Variants in KCNG2 observed in about 807,000 individuals in gnomAD.
KCNG2 encodes potassium voltage-gated channel modifier subfamily G member 2.
A neutral mutation model predicts 12.3 loss-of-function variants in KCNG2; 7 were observed. The observed-to-expected ratio is 0.57, with a 90% confidence interval of 0.32 to 1.07. The LOEUF (loss-of-function observed/expected upper bound fraction) is 1.07, where lower values mean the gene tolerates loss of function less well. KCNG2 is among the 50% of genes least tolerant of loss of function. KCNG2 has a pLI of 0.04. For synonymous variants in KCNG2, 414 were observed against 351.4 expected, an observed-to-expected ratio of 1.18 and a Z score of -1.99; for missense variants, 703 against 726.0, an observed-to-expected ratio of 0.97 and a Z score of 0.36.
intron 1 of KCNG2, among the ~76,000 whole-genome samples, chr18:79,826,643 G>A (rs1978286320): frequency 1.3e-5 from 2 of 148,510 alleles, no homozygotes; most frequent in African/African-American, 5.0e-5. Context: ...GATTACATTC[G>A]GCGCGTTACG....
At chr18:79,878,486 G>A (rs566454349) in intron 3 of KCNG2, among the ~76,000 whole-genome samples, 14 of 106,016 alleles carry the variant, frequency 1.3e-4, no homozygotes, top group African/African-American at 4.5e-4. Context: ...TGCGGAGGGC[G>A]CCTGATGCCA....
intron 3 of KCNG2, among the ~76,000 whole-genome samples, chr18:79,885,489 G>A (rs9965285): frequency 6.6e-6 from 1 of 152,318 alleles, no homozygotes; most frequent in African/African-American, 2.4e-5. Flanking sequence ...TGGCTCTGTG[G>A]CTGCAGCTGC....
Position 79,805,539 on chromosome 18 carries a change from C to CT in KCNG2, c.-115+7535dup, listed in dbSNP as rs926085260. On this transcript the variant is annotated intron_variant, in intron 1 of 3. Transcript: ENST00000316249. ...AAGGCTGAATGTTTTTCTCCATTGC[C>CT]TTTTTTTTTTCTTCTATCGTCTGTT... Among the ~76,000 whole-genome samples the CT allele has an allele frequency of 2.9e-4, 43 of 150,068 alleles. No individual in the cohort carries two copies. The East Asian group carries it at 3.3e-3, about 12-fold the overall frequency.
chr18:79,803,555 C>T lies in KCNG2; in HGVS notation c.-115+5541C>T, dbSNP rs913442714. On this transcript the variant is annotated intron_variant, in intron 1 of 3. Transcript: ENST00000316249. The surrounding 1 kb of genome is among the most constrained non-coding windows in gnomAD (Gnocchi z 4.5). The stretch of plus-strand genomic sequence containing the variant: ...GTGGGTGTGCAGTGCTGGGGACCGA[C>T]GAGGGGGCCTGTGATTCTGGGGGCT... Among the ~76,000 whole-genome samples the T allele has an allele frequency of 1.3e-5, 2 of 152,172 alleles. No homozygotes were observed. Among genetic ancestry groups the T allele is most frequent in the African/African-American group, 2.4e-5 (1 of 41,432 alleles).
chr18:79,857,286 G>A (rs1400151529), intron 2 of KCNG2, among the ~76,000 whole-genome samples: 1 of 149,014 alleles, frequency 6.7e-6, no homozygotes, highest in Non-Finnish European at 1.5e-5. Context: ...GGCGCTGAAG[G>A]TCACAGCACA....
intron 3 of KCNG2, among the ~76,000 whole-genome samples, chr18:79,879,570 A>C (rs1980213290): frequency 6.6e-6 from 1 of 152,248 alleles, no homozygotes; most frequent in African/African-American, 2.4e-5. Context: ...GAAGTAGTAC[A>C]CATTTAGGAA....
chr18:79,880,487 G>A (rs533143042), intron 3 of KCNG2, among the ~76,000 whole-genome samples: 1 of 152,142 alleles, frequency 6.6e-6, no homozygotes, highest in South Asian at 2.1e-4. Context: ...GAAAATTCCA[G>A]GCCCAGGTAG....
intron 1 of KCNG2, among the ~76,000 whole-genome samples, chr18:79,842,033 G>A (rs556613159): frequency 6.6e-6 from 1 of 152,180 alleles, no homozygotes; most frequent in Non-Finnish European, 1.5e-5. Context: ...TGCCAGGCTG[G>A]CCCCTGCAGA....
intron 3 of KCNG2, among the ~76,000 whole-genome samples, chr18:79,888,779 A>C (rs545176458): frequency 2.6e-5 from 4 of 152,024 alleles, no homozygotes; most frequent in African/African-American, 9.6e-5. Flanking sequence ...GGTTCAAGCA[A>C]TTCTCGTGCC....
chr18:79,863,502 C>T (rs1207017574), intron 2 of KCNG2, among the ~76,000 whole-genome samples, 126 bp from the exon 3 acceptor site: 2 of 152,176 alleles, frequency 1.3e-5, no homozygotes, highest in Admixed American at 6.5e-5. Flanking sequence ...GGGAAGTGGG[C>T]GGGCGGAGGG....
chr18:79,817,501 TCACA>T (rs71338065), intron 1 of KCNG2, among the ~76,000 whole-genome samples: 18 of 152,286 alleles, frequency 1.2e-4, no homozygotes, highest in Admixed American at 8.5e-4. Flanking sequence ...CACACAGTTC[TCACA>T]CACACAGTTG....
intron 1 of KCNG2, among the ~76,000 whole-genome samples, chr18:79,801,890 G>A (rs561332386): frequency 2.0e-5 from 3 of 152,288 alleles, no homozygotes; most frequent in African/African-American, 4.8e-5. Flanking sequence ...CATTGCCCGC[G>A]TTTCTCATCA....
chr18:79,895,501 TGATA>T (rs1394432329), intron 3 of KCNG2, among the ~76,000 whole-genome samples: 1 of 151,784 alleles, frequency 6.6e-6, no homozygotes. Context: ...TAATAACGAT[TGATA>T]TAGTTGGGTT....
At chr18:79,826,772 C>T (rs888195149) in intron 1 of KCNG2, among the ~76,000 whole-genome samples, 5 of 149,230 alleles carry the variant, frequency 3.4e-5, no homozygotes, top group African/African-American at 1.2e-4. Flanking sequence ...AAGGTTAGTT[C>T]GGCGCGTTAC....
At chr18:79,828,906 ATG>A (rs1335201414) in intron 1 of KCNG2, among the ~76,000 whole-genome samples, 2 of 124,536 alleles carry the variant, frequency 1.6e-5, no homozygotes, top group Admixed American at 1.7e-4. Flanking sequence ...TGATGTGTGC[ATG>A]TGTCTGTGTG....
At position 79,846,032 on chromosome 18, in the gene KCNG2, A is replaced by G. The variant is rs1232213531; in HGVS notation, c.-114-10347A>G. ...CGTGAACCCAGGAGGTGGAGCTTGCAGTGACCTGAGATGGCGCCACTGCAC... is the reference window on the plus strand; with the variant it reads ...CGTGAACCCAGGAGGTGGAGCTTGCGGTGACCTGAGATGGCGCCACTGCAC... On this transcript the variant is annotated intron_variant, in intron 1 of 3. Coordinates refer to ENST00000316249, the MANE Select transcript of KCNG2 (RefSeq NM_012283.2). Among the ~76,000 whole-genome samples, 44 of 148,796 alleles carry G rather than the reference A, an allele frequency of 3.0e-4. 1 individual carries two copies. Among genetic ancestry groups the G allele is most frequent in the Non-Finnish European group, 4.4e-5 (3 of 67,492 alleles).
chr18:79,837,385 A>G (rs931521615), intron 1 of KCNG2, among the ~76,000 whole-genome samples: 4 of 152,204 alleles, frequency 2.6e-5, no homozygotes, highest in African/African-American at 7.2e-5. Flanking sequence ...AGATGGTGCA[A>G]GCAGTTGGAG....
At chr18:79,826,233 G>A (rs1448404050) in intron 1 of KCNG2, among the ~76,000 whole-genome samples, 1 of 152,228 alleles carries the variant, frequency 6.6e-6, no homozygotes, top group Non-Finnish European at 1.5e-5. Flanking sequence ...CGCTTCAGAC[G>A]GGGACCGAGG....
chr18:79,879,698 G>A (rs988254635), intron 3 of KCNG2, among the ~76,000 whole-genome samples: 1 of 152,282 alleles, frequency 6.6e-6, no homozygotes, highest in Non-Finnish European at 1.5e-5. Flanking sequence ...AATGAGAAAG[G>A]GTGTTATGGT....
Sources: allele counts gnomAD v4.1 joint callset (sites outside exome capture counted in the v4.1 genomes callset), GRCh38; gene constraint gnomAD v4.1.1; non-coding constraint Gnocchi (gnomAD v3.1); transcripts MANE v1.5; gene names NCBI Gene and HGNC (gene_info 2026-07-23, HGNC 2026-07-21).